Variants in PCBD1 observed in about 807,000 individuals in gnomAD.
PCBD1 encodes the protein pterin-4-alpha-carbinolamine dehydratase.
In PCBD1, 16 loss-of-function variants were observed where a neutral mutation model predicts 12.6. The observed-to-expected ratio is 1.27, with a 90% CI of 0.86 to 1.93. The LOEUF (loss-of-function observed/expected upper bound fraction) is 1.93. Ranked by LOEUF, PCBD1 falls within the 30% of genes most tolerant of loss-of-function variation. The pLI is 0.00. For missense variants in PCBD1, 86 were observed against 130.1 expected (o/e 0.66, Z 1.65); for synonymous variants, 53 against 50.2 (o/e 1.05, Z -0.23).
chr10:70,884,232 C>T (rs1200302863), intron 3 of PCBD1, among the ~76,000 whole-genome samples, 184 bp from the exon 4 acceptor site: 2 of 152,144 alleles, frequency 1.3e-5, no homozygotes, highest in Admixed American at 6.6e-5. Flanking sequence ...TGCTGTCTCT[C>T]AAAAATAATC....
At position 70,885,896 on chromosome 10, in the gene PCBD1, T is replaced by A. The variant is rs1258914523; in HGVS notation, c.37A>T (p.Arg13Trp). The change falls in exon 2 of 4, where the codon AGG becomes TGG. Residue 13 changes from arginine (R) to tryptophan (W), a missense_variant. Transcript: ENST00000299299. Reference sequence around the variant, plus strand: ...CTCAGGTTTGGCAGCAGCTGGTCCCTCTCCTCAGCGCTCAGCCTGTGTGCT... The same window carrying A: ...CTCAGGTTTGGCAGCAGCTGGTCCCACTCCTCAGCGCTCAGCCTGTGTGCT... ...GKAHRLSAEE[R>W]DQLLPNLRAV... is the part of the protein sequence containing the mutation. 6.8e-6 allele frequency: 11 copies of A among 1,613,788 alleles called. No individual in the cohort carries two copies. The Admixed American group carries it at 1.8e-4, about 27-fold the overall frequency.
intron 2 of PCBD1, 79 bp downstream of exon 2, chr10:70,885,719 C>T (rs953664450): frequency 7.7e-6 from 12 of 1,565,652 alleles, no homozygotes; most frequent in South Asian, 5.7e-5. Flanking sequence ...GCTAACAAGA[C>T]GTGAAGGGAG....
intron 3 of PCBD1, 38 bp from the exon 4 acceptor site, chr10:70,884,086 A>G: frequency 6.2e-7 from 1 of 1,600,772 alleles, no homozygotes; most frequent in Non-Finnish European, 8.5e-7. Context: ...CACTGACTTC[A>G]CTTAAGAACA....
intron 1 of PCBD1, chr10:70,888,181 C>T (rs1468618744): frequency 1.3e-5 from 3 of 237,480 alleles, no homozygotes; most frequent in Non-Finnish European, 2.4e-5. Context: ...AAAGCAGAAT[C>T]GGGCCACCAA....
At chr10:70,884,946 C>A (rs527663385) in intron 3 of PCBD1, among the ~76,000 whole-genome samples, 1 of 152,042 alleles carries the variant, frequency 6.6e-6, no homozygotes, top group East Asian at 1.9e-4. Context: ...ATTTGCATTT[C>A]TTTATAGTAA....
rs558215916 is a variant in PCBD1 at position 70,884,354 on chromosome 10, C to T, written c.217-306G>A. 1.6e-4 allele frequency among the ~76,000 whole-genome samples: 25 copies of T among 152,270 alleles called. 1 individual carries two copies. In the South Asian group the frequency reaches 4.1e-3, roughly 25 times the overall value. On this transcript the variant is annotated intron_variant, in intron 3 of 3. Transcript: ENST00000299299. ...CTCCTAAACACTATCCATTCATAGA[C>T]GACCTCTTCCACCCTTACTGTTTTT...
At chr10:70,882,585 G>A (rs1375035230), downstream of PCBD1, 1 of 152,280 alleles carries the variant, frequency 6.6e-6, no homozygotes, top group Non-Finnish European at 1.5e-5. Flanking sequence ...TTATTTGGAA[G>A]AGGGTCAGCC....
intron 1 of PCBD1, among the ~76,000 whole-genome samples, chr10:70,887,336 A>C (rs1421921887): frequency 6.6e-6 from 1 of 152,100 alleles, no homozygotes; most frequent in Non-Finnish European, 1.5e-5. Flanking sequence ...TTCCCTCCTG[A>C]AAACGTGAGC....
At chr10:70,884,478 ATTTTTTTT>A (rs71012255) in intron 3 of PCBD1, among the ~76,000 whole-genome samples, 3 of 108,466 alleles carry the variant, frequency 2.8e-5, no homozygotes, top group South Asian at 6.0e-4. Context: ...ATGTGTCTGT[ATTTTTTTT>A]TTTTTTTTTT....
chr10:70,884,636 C>T (rs531739959), intron 3 of PCBD1, among the ~76,000 whole-genome samples: 8 of 152,112 alleles, frequency 5.3e-5, no homozygotes, highest in South Asian at 2.1e-4. Flanking sequence ...CGTCCACCAC[C>T]GCGCCCGCCT....
At chr10:70,883,427 GCA>G (rs1044525169), downstream of PCBD1, 26 of 693,638 alleles carry the variant, frequency 3.7e-5, no homozygotes, top group African/African-American at 5.0e-4. Context: ...GAAGTGCCTA[GCA>G]CAGAGGAAGT....
chr10:70,888,405 C>T (rs1846622584), intron 1 of PCBD1, 126 bp downstream of exon 1: 2 of 1,131,266 alleles, frequency 1.8e-6, no homozygotes, highest in Admixed American at 7.2e-5. Context: ...AGAGACCCCA[C>T]TTTCGGACCC....
In PCBD1 at chr10:70,885,799, C is replaced by T. The variant is rs1846572744; in HGVS notation, c.134G>A (p.Arg45Lys). 8 of 1,614,032 alleles carry T rather than the reference C, an allele frequency of 5.0e-6. No individual in the cohort carries two copies. Among genetic ancestry groups the T allele is most frequent in the Non-Finnish European group, 6.8e-6 (8 of 1,179,976 alleles). Reference protein sequence around the residue: ...FKQFHFKDFNRAFGFMTRVAL... With the variant: ...FKQFHFKDFNKAFGFMTRVAL... ...CTCTGTCCCACCCTGGTGCCATACC[C>T]TGTTGAAGTCTTTGAAATGAAACTG... The change falls in exon 2 of 4, where the codon AGG becomes AAG. Residue 45 changes from arginine to lysine, a missense_variant and splice_region_variant. By Grantham distance (26) the Arg-to-Lys change is conservative. Coordinates refer to ENST00000299299, the MANE Select transcript of PCBD1 (RefSeq NM_000281.4).
chr10:70,886,616 A>G (rs1207245832), intron 1 of PCBD1, among the ~76,000 whole-genome samples: 1 of 152,236 alleles, frequency 6.6e-6, no homozygotes, highest in East Asian at 1.9e-4. Flanking sequence ...CGCCGTTGGC[A>G]CTACCTCTAG....
intron 1 of PCBD1, among the ~76,000 whole-genome samples, chr10:70,886,922 A>G (rs1209574747): frequency 2.0e-5 from 3 of 152,362 alleles, no homozygotes; most frequent in South Asian, 2.1e-4. Flanking sequence ...AACAGATCCC[A>G]GAACCTAGGC....
At position 70,884,478 on chromosome 10, in the gene PCBD1, A is replaced by ATTTTT. The variant is rs71012255; in HGVS notation, c.217-435_217-431dup. On this transcript the variant is annotated intron_variant, in intron 3 of 3. Transcript: ENST00000299299. ...TTTGATAGGTTGGCTATGTGTCTGTATTTTTTTTTTTTTTTTTTTTTGAGA... is the reference window on the plus strand; with the variant it reads ...TTTGATAGGTTGGCTATGTGTCTGTATTTTTTTTTTTTTTTTTTTTTTTTTTGAGA... 9.4e-4 allele frequency among the ~76,000 whole-genome samples: 102 copies of ATTTTT among 108,426 alleles called. 2 individuals are homozygous for ATTTTT. The highest frequency in any genetic ancestry group is 6.8e-3 in the Middle Eastern group (1 of 146). The allele number at this position is 108,426 out of a possible 152,430, so 71.1% of individuals were successfully genotyped here. A position where few individuals can be genotyped will look rare whatever the true frequency, so the allele number is the denominator to read the frequency against.
chr10:70,885,984 CAG>C, intron 1 of PCBD1, 55 bp from the exon 2 acceptor site: 1 of 1,600,778 alleles, frequency 6.2e-7, no homozygotes, highest in Non-Finnish European at 8.5e-7. Flanking sequence ...TAGGTCAAAA[CAG>C]AGGGGCTCCA....
chr10:70,884,639 G>A (rs972164967), intron 3 of PCBD1, among the ~76,000 whole-genome samples: 10 of 151,814 alleles, frequency 6.6e-5, no homozygotes, highest in Middle Eastern at 3.2e-3. Context: ...CCACCACCGC[G>A]CCCGCCTAAT....
Position 70,885,232 on chromosome 10 carries a change from C to T in PCBD1, c.136G>A (p.Ala46Thr), listed in dbSNP as rs1317346192. The change falls in exon 3 of 4, where the codon GCC (alanine) becomes ACC (threonine). Residue 46 changes from alanine to threonine, a missense_variant and splice_region_variant. Coordinates refer to ENST00000299299, the MANE Select transcript of PCBD1 (RefSeq NM_000281.4). ...GCCACTCTTGTCATGAACCCAAAGG[C>T]CTATTTAAGTGGAGTGAGAGCCAGG... Reference protein sequence around the residue: ...KQFHFKDFNRAFGFMTRVALQ... With the variant: ...KQFHFKDFNRTFGFMTRVALQ... 1.9e-6 allele frequency: 3 copies of T among 1,613,344 alleles called. No homozygotes were observed. Among genetic ancestry groups the T allele is most frequent in the Non-Finnish European group, 2.5e-6 (3 of 1,179,402 alleles).
Sources: gnomAD v4.1 joint callset for allele counts (sites outside exome capture counted in the v4.1 genomes callset) on GRCh38, gnomAD v4.1.1 for gene constraint, MANE v1.5 for transcripts, NCBI Gene and HGNC (gene_info 2026-07-23, HGNC 2026-07-21) for gene names.